RETREG1: variants seen among roughly 807,000 people sequenced by gnomAD.
The protein encoded by RETREG1 is family with sequence similarity 134 member B.
A neutral mutation model predicts 54.8 loss-of-function variants in RETREG1; 44 were observed. The observed-to-expected ratio is 0.80, with a 90% confidence interval of 0.63 to 1.03. RETREG1 has a LOEUF of 1.03. Among genes scored for constraint, RETREG1 ranks in the 50% least tolerant of loss-of-function variants. The probability of loss-of-function intolerance (pLI) is 0.00; values close to 1 mark genes in which losing one functional copy is unlikely to be tolerated. For synonymous variants in RETREG1, 217 were observed against 238.5 expected (o/e 0.91, Z 0.83); for missense variants, 554 against 605.1 (o/e 0.92, Z 0.89).
At chr5:16,569,559 T>C (rs1742116208) in intron 2 of RETREG1, among the ~76,000 whole-genome samples, 1 of 152,162 alleles carries the variant, frequency 6.6e-6, no homozygotes, top group Non-Finnish European at 1.5e-5. Flanking sequence ...AGTAGACAGC[T>C]ACTGTGCTGA....
At position 16,593,056 on chromosome 5, in the gene RETREG1, G is replaced by A. The variant is rs1742819676; in HGVS notation, c.321-20954C>T. On this transcript the variant is annotated intron_variant, in intron 1 of 8. Coordinates refer to ENST00000306320, the MANE Select transcript of RETREG1 (RefSeq NM_001034850.3). This position sits in a 1 kb window ranked among gnomAD's most constrained non-coding sequence, Gnocchi z 4.9. ...AAAAGTTTTTCAAAAAAAAAGAAAA[G>A]GAAAATGTGGATTCTTTGACAAAAG... Among the ~76,000 whole-genome samples, 3 of 152,038 alleles carry A rather than the reference G, an allele frequency of 2.0e-5. No homozygotes were observed. In the South Asian group the frequency reaches 6.3e-4, roughly 32 times the overall value.
At chr5:16,595,008 G>A (rs1742860110) in intron 1 of RETREG1, among the ~76,000 whole-genome samples, 1 of 152,202 alleles carries the variant, frequency 6.6e-6, no homozygotes, top group Non-Finnish European at 1.5e-5. Context: ...TCAGTTGCAA[G>A]AGAGTTTCAT....
At chr5:16,613,257 G>A (rs1358061511) in intron 1 of RETREG1, among the ~76,000 whole-genome samples, 1 of 152,064 alleles carries the variant, frequency 6.6e-6, no homozygotes, top group African/African-American at 2.4e-5. Flanking sequence ...ACTGTGTAGT[G>A]GTTGAAATAT....
chr5:16,576,837 G>T (rs1452942154), intron 1 of RETREG1, among the ~76,000 whole-genome samples: 1 of 151,306 alleles, frequency 6.6e-6, no homozygotes, highest in Non-Finnish European at 1.5e-5. Flanking sequence ...GGATGGTCTC[G>T]ATCTCTTAAC....
At chr5:16,525,803 C>T (rs556648024) in intron 3 of RETREG1, among the ~76,000 whole-genome samples, 5 of 152,052 alleles carry the variant, frequency 3.3e-5, no homozygotes, top group African/African-American at 9.6e-5. Flanking sequence ...GGAAATGGCT[C>T]ATGTGACTAT....
intron 3 of RETREG1, among the ~76,000 whole-genome samples, chr5:16,556,261 C>A (rs1741704594): frequency 6.6e-6 from 1 of 151,946 alleles, no homozygotes; most frequent in Non-Finnish European, 1.5e-5. Flanking sequence ...CAGGTTCACG[C>A]CATTCTCCTG....
At chr5:16,518,078 C>T (rs1158623984) in intron 3 of RETREG1, among the ~76,000 whole-genome samples, 1 of 147,846 alleles carries the variant, frequency 6.8e-6, no homozygotes, top group African/African-American at 2.5e-5. Flanking sequence ...ATATATTTAT[C>T]TACATACTAT....
intron 3 of RETREG1, among the ~76,000 whole-genome samples, chr5:16,536,006 C>T (rs1034165799): frequency 1.8e-4 from 23 of 130,900 alleles, no homozygotes; most frequent in Middle Eastern, 5.7e-3. Context: ...GGGGTTCCTG[C>T]ATGCACACTG....
chr5:16,606,426 G>T (rs917730798), intron 1 of RETREG1, among the ~76,000 whole-genome samples: 1 of 152,130 alleles, frequency 6.6e-6, no homozygotes, highest in African/African-American at 2.4e-5. Flanking sequence ...TCCAACACAT[G>T]CAACTCCATA....
rs1209691438 is a variant in RETREG1 at position 16,474,141 on chromosome 5, CAT to C, written c.*598_*599del. The C allele has an allele frequency of 1.3e-5, 2 of 153,672 alleles. No individual in the cohort carries two copies. The highest frequency in any genetic ancestry group is 4.8e-5 in the African/African-American group (2 of 41,458). 9.5% of individuals were successfully genotyped at this position (153,672 alleles called of 1,614,324 possible). A position where few individuals can be genotyped will look rare whatever the true frequency, so the allele number is the denominator to read the frequency against. On this transcript the variant is annotated 3_prime_UTR_variant, in exon 9 of 9. Transcript: ENST00000306320. ...CCTAAGTCTACAACTGCAGAAATAACATGGAAACGTTTCAGTCTATCCAGAGT... is the reference window on the plus strand; with the variant it reads ...CCTAAGTCTACAACTGCAGAAATAACGGAAACGTTTCAGTCTATCCAGAGT...
chr5:16,522,327 C>T (rs1465607083), intron 3 of RETREG1, among the ~76,000 whole-genome samples: 1 of 152,148 alleles, frequency 6.6e-6, no homozygotes, highest in Non-Finnish European at 1.5e-5. Flanking sequence ...CAGTCGCTGT[C>T]TGGAGATAAA....
intron 3 of RETREG1, among the ~76,000 whole-genome samples, chr5:16,562,761 AC>A (rs1429605556): frequency 6.6e-6 from 1 of 152,212 alleles, no homozygotes; most frequent in East Asian, 1.9e-4. Context: ...GCCCATATCA[AC>A]CAAAACAAAG....
chr5:16,612,312 T>C (rs1274743384), intron 1 of RETREG1, among the ~76,000 whole-genome samples: 1 of 152,174 alleles, frequency 6.6e-6, no homozygotes, highest in African/African-American at 2.4e-5. Flanking sequence ...ATTTTATTGG[T>C]GGTAAACCAC....
intron 1 of RETREG1, among the ~76,000 whole-genome samples, chr5:16,587,081 C>A (rs1742643423): frequency 6.6e-6 from 1 of 152,144 alleles, no homozygotes. Context: ...AATGCGGGGA[C>A]AAAAGGAGAC....
intron 3 of RETREG1, among the ~76,000 whole-genome samples, chr5:16,544,836 G>T (rs934004260): frequency 6.6e-6 from 1 of 152,078 alleles, no homozygotes; most frequent in African/African-American, 2.4e-5. Flanking sequence ...CTGTGTTTTA[G>T]CCAATAAGCA....
intron 3 of RETREG1, among the ~76,000 whole-genome samples, chr5:16,558,846 T>C (rs1264795956): frequency 6.6e-6 from 1 of 152,240 alleles, no homozygotes; most frequent in East Asian, 1.9e-4. Context: ...AGCCAATCTG[T>C]GGCTAATCCA....
At chr5:16,503,526 G>A (rs1739807997) in intron 3 of RETREG1, among the ~76,000 whole-genome samples, 1 of 151,976 alleles carries the variant, frequency 6.6e-6, no homozygotes, top group Admixed American at 6.5e-5. Flanking sequence ...AAAATTAGCT[G>A]GGCGTGGTGG....
At chr5:16,582,011 G>T (rs764763756) in intron 1 of RETREG1, among the ~76,000 whole-genome samples, 1 of 152,056 alleles carries the variant, frequency 6.6e-6, no homozygotes, top group Non-Finnish European at 1.5e-5. Context: ...TCTGAAAAGC[G>T]TATTTCAAAC....
chr5:16,609,911 T>C (rs2126374480), intron 1 of RETREG1, among the ~76,000 whole-genome samples: 1 of 152,256 alleles, frequency 6.6e-6, no homozygotes, highest in East Asian at 1.9e-4. Context: ...TGCTCAAACA[T>C]AATGGTTCTC....
Sources: gnomAD v4.1 joint callset for allele counts (sites outside exome capture counted in the v4.1 genomes callset) on GRCh38, gnomAD v4.1.1 for gene constraint, Gnocchi (gnomAD v3.1) non-coding constraint, MANE v1.5 for transcripts, NCBI Gene and HGNC (gene_info 2026-07-23, HGNC 2026-07-21) for gene names.